ANKRD36B: variants seen among roughly 807,000 people sequenced by gnomAD.
The protein encoded by ANKRD36B is ankyrin repeat domain 36B.
Under a neutral mutation model 135.7 loss-of-function variants are expected in ANKRD36B, and 37 were observed. That is an observed-to-expected ratio of 0.27 (90% CI 0.21 to 0.36). The LOEUF is 0.36. Ranked by LOEUF, ANKRD36B falls within the 10% of genes least tolerant of loss-of-function variation. ANKRD36B has a pLI of 1.00. For synonymous variants in ANKRD36B, 179 were observed against 348.1 expected, an observed-to-expected ratio of 0.51 and a Z score of 5.41; for missense variants, 549 against 1,037.1, an observed-to-expected ratio of 0.53 and a Z score of 6.46.
At chr2:97,561,973 C>T (rs1376329195) in intron 6 of ANKRD36B, among the ~76,000 whole-genome samples, 5 of 143,460 alleles carry the variant, frequency 3.5e-5, no homozygotes, top group Non-Finnish European at 7.8e-5. Context: ...ATCCCTCATG[C>T]AAATATTCTA....
intron 22 of ANKRD36B, among the ~76,000 whole-genome samples, chr2:97,546,579 A>G (rs1241853266): frequency 6.6e-6 from 1 of 151,780 alleles, no homozygotes; most frequent in Non-Finnish European, 1.5e-5. Context: ...ACTATGACAT[A>G]TTTCTTCAAA....
chr2:97,556,312 A>C (rs2080515749), intron 12 of ANKRD36B, among the ~76,000 whole-genome samples: 2 of 151,718 alleles, frequency 1.3e-5, no homozygotes, highest in Admixed American at 6.6e-5. Flanking sequence ...CAACTCTAGC[A>C]CTCCTTCCTG....
Position 97,523,697 on chromosome 2 carries a change from G to A in ANKRD36B, c.2266-230C>T, listed in dbSNP as rs1355571320. Among the ~76,000 whole-genome samples, 10 of 76,082 alleles carry A rather than the reference G, an allele frequency of 1.3e-4. 2 individuals carry two copies. Among genetic ancestry groups the A allele is most frequent in the African/African-American group, 3.5e-4 (9 of 25,834 alleles). The allele number at this position is 76,082 out of a possible 152,430, so 49.9% of individuals were successfully genotyped here. Reference sequence around the variant, plus strand: ...ATGCTATTTAGAAAACTGACAGAGAGACTTGGGTTAATTAAGGAACAAAGA... The same window carrying A: ...ATGCTATTTAGAAAACTGACAGAGAAACTTGGGTTAATTAAGGAACAAAGA... On this transcript the variant is annotated intron_variant, in intron 35 of 43. Transcript: ENST00000359901.
At chr2:97,573,854 G>A (rs1486829052) in intron 6 of ANKRD36B, among the ~76,000 whole-genome samples, 1 of 152,172 alleles carries the variant, frequency 6.6e-6, no homozygotes. Flanking sequence ...GCTGAAACTG[G>A]ATCCCTTCCT....
intron 4 of ANKRD36B, among the ~76,000 whole-genome samples, chr2:97,580,027 CT>C (rs762161409): frequency 1.2e-4 from 18 of 152,314 alleles, no homozygotes; most frequent in South Asian, 4.1e-4. Flanking sequence ...CTAAAGCTAT[CT>C]TTTTTCCCCC....
chr2:97,569,968 T>G (rs1233600538), intron 6 of ANKRD36B, among the ~76,000 whole-genome samples: 2 of 152,150 alleles, frequency 1.3e-5, no homozygotes, highest in Non-Finnish European at 2.9e-5. Flanking sequence ...TTTAACAAAA[T>G]ATAAAACAAA....
intron 8 of ANKRD36B, among the ~76,000 whole-genome samples, chr2:97,559,495 A>G (rs1247905582): frequency 1.3e-5 from 2 of 151,934 alleles, no homozygotes; most frequent in African/African-American, 2.4e-5. Context: ...TTCGGTGGAA[A>G]TGTCCTAAAT....
chr2:97,580,945 T>C (rs1408462705), intron 3 of ANKRD36B, among the ~76,000 whole-genome samples: 2 of 88,740 alleles, frequency 2.3e-5, no homozygotes, highest in Non-Finnish European at 4.2e-5. Context: ...TAAGACACAG[T>C]AATAAATGTT....
chr2:97,553,954 T>C (rs1210017663), intron 14 of ANKRD36B, among the ~76,000 whole-genome samples: 1 of 151,960 alleles, frequency 6.6e-6, no homozygotes, highest in African/African-American at 2.4e-5. Context: ...TTATTTCTCA[T>C]ATCCATGTGG....
At chr2:97,578,393 CA>C (rs577623264) in intron 5 of ANKRD36B, among the ~76,000 whole-genome samples, 216 of 152,114 alleles carry the variant, frequency 1.4e-3, no homozygotes, top group African/African-American at 5.1e-3. Context: ...TCAATGAAAA[CA>C]AAGCAATGAT....
rs563125170 is a variant in ANKRD36B, at chr2:97,527,557, T to A, written c.2266-4090A>T. On this transcript the variant is annotated intron_variant, in intron 35 of 43. Transcript: ENST00000359901. ...AGGATGAAATTCACACATAACAATA[T>A]TAACTTTAAATGTAAATGGACTAAA... Among the ~76,000 whole-genome samples the A allele has an allele frequency of 1.8e-4, 17 of 92,758 alleles. 3 individuals carry two copies. The South Asian group carries it at 3.9e-3, about 21-fold the overall frequency. 60.9% of individuals were successfully genotyped at this position (92,758 alleles called of 152,430 possible). A position where few individuals can be genotyped will look rare whatever the true frequency, so the allele number is the denominator to read the frequency against.
At chr2:97,578,360 A>G (rs553039594) in intron 5 of ANKRD36B, among the ~76,000 whole-genome samples, 1 of 152,224 alleles carries the variant, frequency 6.6e-6, no homozygotes, top group African/African-American at 2.4e-5. Flanking sequence ...AGTACTTTCA[A>G]TGGTAAGAAA....
chr2:97,553,505 C>T, intron 14 of ANKRD36B, 134 bp from the exon 15 acceptor site: 1 of 1,152,268 alleles, frequency 8.7e-7, no homozygotes, highest in Non-Finnish European at 1.2e-6. Flanking sequence ...TACTTTATGT[C>T]TTAAGCCAGG....
chr2:97,562,955 T>C (rs6733734), intron 6 of ANKRD36B, among the ~76,000 whole-genome samples: 84,501 of 151,710 alleles, frequency 0.56, 25,153 homozygotes, highest in Non-Finnish European at 0.67. Context: ...CCTCATATTA[T>C]GAGTTATTAT....
At chr2:97,551,987 T>C (rs184513253) in intron 16 of ANKRD36B, among the ~76,000 whole-genome samples, 126 of 152,124 alleles carry the variant, frequency 8.3e-4, no homozygotes, top group Non-Finnish European at 1.5e-3. Context: ...ATCTCTTCAC[T>C]GGTAATGTCC....
chr2:97,575,051 A>C (rs2082136707), intron 6 of ANKRD36B, among the ~76,000 whole-genome samples: 1 of 151,306 alleles, frequency 6.6e-6, no homozygotes, highest in Admixed American at 6.6e-5. Context: ...TTTAAAAGTT[A>C]AATCTAATTG....
chr2:97,585,309 C>T lies in ANKRD36B; in HGVS notation c.251G>A (p.Arg84His), dbSNP rs2082903138. Residue 84 changes from arginine to histidine, a missense_variant, in exon 2 of 44, where the codon CGT becomes CAT. By Grantham distance (29) the Arg-to-His change is conservative (BLOSUM62 0). Transcript: ENST00000359901. ...SRRCELNLCD[R>H]EDRTPLIKAV... The stretch of plus-strand genomic sequence containing the variant: ...CTTGATCAGAGGTGTCCTGTCTTCA[C>T]GGTCGCAGAGGTTAAGCTCACATCT... 14 of 1,578,486 alleles carry T rather than the reference C, an allele frequency of 8.9e-6. No individual in the cohort carries two copies. Among genetic ancestry groups the T allele is most frequent in the South Asian group, 2.3e-5 (2 of 86,534 alleles).
Position 97,549,061 on chromosome 2 carries a change from T to G in ANKRD36B, c.1477+358A>C, listed in dbSNP as rs899840811. Among the ~76,000 whole-genome samples, 75 of 151,844 alleles carry G rather than the reference T, an allele frequency of 4.9e-4. 1 individual carries two copies. The highest frequency in any genetic ancestry group is 5.9e-4 in the Non-Finnish European group (40 of 67,836). On this transcript the variant is annotated intron_variant, in intron 20 of 43. Coordinates refer to ENST00000359901, the MANE Select transcript of ANKRD36B (RefSeq NM_001393939.1). ...GTCTGTTTTTAGCAGTATGATGTGA[T>G]GTCTGTAAAATCGATACTTCCTCTC...
Position 97,585,515 on chromosome 2 carries a change from A to G in ANKRD36B, c.162-117T>C. ...TTGTGAAGAAAGTACAACATTTGTTAGCGCTTATTACTCACCACATTAATG... is the reference window on the plus strand; with the variant it reads ...TTGTGAAGAAAGTACAACATTTGTTGGCGCTTATTACTCACCACATTAATG... On this transcript the variant is annotated intron_variant, in intron 1 of 43. Transcript: ENST00000359901. 19 of 1,383,808 alleles carry G rather than the reference A, an allele frequency of 1.4e-5. No homozygotes were observed. In the South Asian group the frequency reaches 2.8e-4, roughly 21 times the overall value. The allele number at this position is 1,383,808 out of a possible 1,614,324, so 85.7% of individuals were successfully genotyped here. A position where few individuals can be genotyped will look rare whatever the true frequency, so the allele number is the denominator to read the frequency against.
Sources: gnomAD v4.1 joint callset for allele counts (sites outside exome capture counted in the v4.1 genomes callset) on GRCh38, gnomAD v4.1.1 for gene constraint, MANE v1.5 for transcripts, NCBI Gene and HGNC (gene_info 2026-07-23, HGNC 2026-07-21) for gene names.